Variants in FRMD4A observed in about 807,000 individuals in gnomAD.
FRMD4A encodes FERM domain containing 4A.
A neutral mutation model predicts 129.1 loss-of-function variants in FRMD4A; 29 were observed. The observed-to-expected ratio is 0.22, with a 90% CI of 0.17 to 0.31. The LOEUF (loss-of-function observed/expected upper bound fraction) is 0.31. Ranked by LOEUF, FRMD4A falls within the 10% of genes least tolerant of loss-of-function variation. FRMD4A has a pLI of 1.00. For synonymous variants in FRMD4A, 634 were observed against 571.6 expected, an observed-to-expected ratio of 1.11 and a Z score of -1.56; for missense variants, 1,272 against 1,375.8, an observed-to-expected ratio of 0.92 and a Z score of 1.19.
chr10:13,717,423 C>T (rs2088914873), intron 12 of FRMD4A, among the ~76,000 whole-genome samples: 1 of 152,150 alleles, frequency 6.6e-6, no homozygotes, highest in Admixed American at 6.6e-5. Context: ...AAGCGATTCT[C>T]CTGCCTCAGC....
intron 9 of FRMD4A, among the ~76,000 whole-genome samples, chr10:13,740,925 C>G (rs2090964746): frequency 6.8e-6 from 1 of 147,842 alleles, no homozygotes; most frequent in African/African-American, 2.5e-5. Context: ...CTCCCGAGTT[C>G]AAGCAATTCT....
intron 5 of FRMD4A, among the ~76,000 whole-genome samples, chr10:13,787,845 G>A (rs1185829911): frequency 6.7e-6 from 1 of 149,510 alleles, no homozygotes; most frequent in Non-Finnish European, 1.5e-5. Context: ...ACTTTGGGAG[G>A]CCGAGGCAGG....
intron 21 of FRMD4A, among the ~76,000 whole-genome samples, chr10:13,657,788 G>GC (rs113852356): frequency 7.0e-6 from 1 of 143,306 alleles, no homozygotes; most frequent in South Asian, 2.2e-4. Context: ...CGATTTCTGG[G>GC]TTTTTTTTTT....
rs1555021803 is a variant in FRMD4A, at chr10:14,039,399, C to CTATCTATCTATCT, written c.46-180488_46-180487insAGATAGATAGATA. Reference sequence around the variant, plus strand: ...CCATCCATCCATCCATCCATCCATCCATCCATCCATCTATCTATCTATCTA... The same window carrying CTATCTATCTATCT: ...CCATCCATCCATCCATCCATCCATCCTATCTATCTATCTATCCATCCATCTATCTATCTATCTA... On this transcript the variant is annotated intron_variant, in intron 2 of 24. Transcript: ENST00000357447. 2.0e-3 allele frequency among the ~76,000 whole-genome samples: 288 copies of CTATCTATCTATCT among 143,214 alleles called. 3 individuals carry two copies. The highest frequency in any genetic ancestry group is 7.0e-3 in the African/African-American group (239 of 34,172). The allele number at this position is 143,214 out of a possible 152,430, so 94.0% of individuals were successfully genotyped here. A position where few individuals can be genotyped will look rare whatever the true frequency, so the allele number is the denominator to read the frequency against.
chr10:13,700,279 C>CCT (rs1554851594), intron 14 of FRMD4A, among the ~76,000 whole-genome samples: 1 of 145,534 alleles, frequency 6.9e-6, no homozygotes, highest in Non-Finnish European at 1.5e-5. Flanking sequence ...ATCACCTCCC[C>CCT]CTTGACCCCC....
At chr10:13,891,562 A>G in intron 2 of FRMD4A, 1 of 979,706 alleles carries the variant, frequency 1.0e-6, no homozygotes, top group Non-Finnish European at 1.2e-6. Flanking sequence ...AAAACACGGA[A>G]GGCGAAGGGC....
intron 2 of FRMD4A, among the ~76,000 whole-genome samples, chr10:14,028,208 T>C (rs1833071820): frequency 6.6e-6 from 1 of 152,252 alleles, no homozygotes; most frequent in African/African-American, 2.4e-5. Context: ...CATTCATTAA[T>C]GCACCCTTTG....
chr10:14,248,568 A>G (rs1019439849), intron 2 of FRMD4A, among the ~76,000 whole-genome samples: 18 of 152,224 alleles, frequency 1.2e-4, no homozygotes, highest in Admixed American at 3.9e-4. Flanking sequence ...CAAGCTGTAA[A>G]TGAATACACA....
intron 13 of FRMD4A, among the ~76,000 whole-genome samples, chr10:13,702,403 T>C (rs2086919800): frequency 6.6e-6 from 1 of 152,242 alleles, no homozygotes; most frequent in Non-Finnish European, 1.5e-5. Flanking sequence ...GTAATCAGAC[T>C]TTAAAAGTGA....
intron 2 of FRMD4A, among the ~76,000 whole-genome samples, chr10:14,323,009 G>C (rs1040644524): frequency 6.6e-6 from 1 of 152,184 alleles, no homozygotes; most frequent in South Asian, 2.1e-4. Context: ...TCCCTTCAAA[G>C]GGTAAGAAAA....
chr10:13,950,180 T>C (rs2095361800), intron 2 of FRMD4A, among the ~76,000 whole-genome samples: 1 of 152,234 alleles, frequency 6.6e-6, no homozygotes, highest in South Asian at 2.1e-4. Flanking sequence ...CTGTCCCAGA[T>C]GAGTGGCTTT....
chr10:14,317,272 T>C (rs553156839), intron 2 of FRMD4A, among the ~76,000 whole-genome samples: 7 of 152,238 alleles, frequency 4.6e-5, no homozygotes, highest in African/African-American at 1.7e-4. Flanking sequence ...CTTTCTCTAT[T>C]CCTTTTTGCC....
intron 2 of FRMD4A, among the ~76,000 whole-genome samples, chr10:14,322,984 C>T (rs1162303411): frequency 6.6e-6 from 1 of 152,180 alleles, no homozygotes; most frequent in Non-Finnish European, 1.5e-5. Context: ...TATTGCAGCC[C>T]ATATTTTAGT....
At chr10:13,981,044 TG>T (rs949938454) in intron 2 of FRMD4A, among the ~76,000 whole-genome samples, 1 of 152,246 alleles carries the variant, frequency 6.6e-6, no homozygotes, top group African/African-American at 2.4e-5. Flanking sequence ...GAATTTAGGC[TG>T]GCCTTTCTCA....
In FRMD4A at chr10:13,901,539, G is replaced by A. The variant is rs149669716; in HGVS notation, c.46-42627C>T. Among the ~76,000 whole-genome samples, 1,163 of 151,810 alleles carry A rather than the reference G, an allele frequency of 7.7e-3. 6 individuals are homozygous for A. The highest frequency in any genetic ancestry group is 0.026 in the African/African-American group (1,066 of 41,372). ...GCAGCAGAATCTCTGAGCCCAGGAG[G>A]TGGAGGTTGCAGTGAGCTGAGATCA... On this transcript the variant is annotated intron_variant, in intron 2 of 24. Coordinates refer to ENST00000357447, the MANE Select transcript of FRMD4A (RefSeq NM_018027.5).
chr10:14,066,008 TTGTGTGTG>T (rs61167438), intron 2 of FRMD4A, among the ~76,000 whole-genome samples: 54 of 139,222 alleles, frequency 3.9e-4, no homozygotes, highest in Admixed American at 7.3e-4. Flanking sequence ...GGGTATGTAT[TTGTGTGTG>T]TGTGTGTGTG....
At chr10:14,122,518 G>A (rs913488361) in intron 2 of FRMD4A, among the ~76,000 whole-genome samples, 1 of 151,450 alleles carries the variant, frequency 6.6e-6, no homozygotes, top group African/African-American at 2.4e-5. Context: ...CTTGGCTTCT[G>A]GGGAGGCCTC....
intron 2 of FRMD4A, among the ~76,000 whole-genome samples, chr10:14,228,266 A>T (rs1326705227): frequency 6.6e-6 from 1 of 152,208 alleles, no homozygotes; most frequent in African/African-American, 2.4e-5. Flanking sequence ...CAGGAATTCA[A>T]ATCCAATTTA....
chr10:14,232,330 T>A (rs968603548), intron 2 of FRMD4A, among the ~76,000 whole-genome samples: 5 of 152,228 alleles, frequency 3.3e-5, no homozygotes, highest in African/African-American at 1.2e-4. Context: ...TTGGTAACTG[T>A]AGCCCTTCAG....
Sources: gnomAD v4.1 joint callset for allele counts (sites outside exome capture counted in the v4.1 genomes callset) on GRCh38, gnomAD v4.1.1 for gene constraint, MANE v1.5 for transcripts, NCBI Gene and HGNC (gene_info 2026-07-23, HGNC 2026-07-21) for gene names.